The following KIF6 variants were observed in gnomAD, a reference collection of about 807,000 sequenced individuals.
KIF6 encodes kinesin-like protein KIF6.
In KIF6, 106 loss-of-function variants were observed where a neutral mutation model predicts 112.7. The ratio of observed to expected loss-of-function variants is 0.94; its 90% CI spans 0.80 to 1.11. KIF6 has a LOEUF of 1.11. KIF6 is among the 50% of genes least tolerant of loss of function. The pLI is 0.00. For missense variants in KIF6, 929 were observed against 964.0 expected (o/e 0.96, Z 0.48); for synonymous variants, 339 against 339.9 (o/e 1.00, Z 0.03).
intron 15 of KIF6, among the ~76,000 whole-genome samples, chr6:39,403,244 C>T (rs1366079016): frequency 2.6e-5 from 4 of 152,226 alleles, no homozygotes; most frequent in East Asian, 1.9e-4. Flanking sequence ...GGTTTGGACA[C>T]ACACATAGAT....
At chr6:39,419,819 G>A (rs1186912914) in intron 15 of KIF6, 129 bp downstream of exon 15, 3 of 815,916 alleles carry the variant, frequency 3.7e-6, no homozygotes, top group Non-Finnish European at 6.6e-6. Flanking sequence ...TCTCAAAGCA[G>A]CTTCCTTGGC....
At chr6:39,501,789 A>G (rs2150493241) in intron 13 of KIF6, among the ~76,000 whole-genome samples, 1 of 152,336 alleles carries the variant, frequency 6.6e-6, no homozygotes, top group South Asian at 2.1e-4. Context: ...AGAAAAAAAG[A>G]ATTAAAAGGA....
intron 13 of KIF6, among the ~76,000 whole-genome samples, chr6:39,488,151 C>T (rs1775244713): frequency 6.6e-6 from 1 of 152,108 alleles, no homozygotes; most frequent in Admixed American, 6.5e-5. Flanking sequence ...ATTTTCTTGA[C>T]CCACCAATGA....
intron 3 of KIF6, among the ~76,000 whole-genome samples, chr6:39,683,026 A>C (rs1787630125): frequency 6.6e-6 from 1 of 152,236 alleles, no homozygotes; most frequent in South Asian, 2.1e-4. Context: ...TATTTTAGGA[A>C]ACAAAAGAAA....
intron 13 of KIF6, among the ~76,000 whole-genome samples, chr6:39,526,026 C>A (rs1392934899): frequency 6.6e-6 from 1 of 152,120 alleles, no homozygotes; most frequent in Non-Finnish European, 1.5e-5. Flanking sequence ...ACAATACAAG[C>A]AACTCTTTTT....
chr6:39,544,382 C>G, intron 12 of KIF6, 173 bp downstream of exon 12: 1 of 487,778 alleles, frequency 2.1e-6, no homozygotes. Context: ...TATAGAAACT[C>G]TTTTTCACTG....
chr6:39,589,203 C>A (rs1179387461), intron 7 of KIF6, among the ~76,000 whole-genome samples: 1 of 152,228 alleles, frequency 6.6e-6, no homozygotes, highest in Non-Finnish European at 1.5e-5. Flanking sequence ...ATACAGCATA[C>A]AGCTTTCTGC....
At chr6:39,684,616 C>CA (rs58959171) in intron 3 of KIF6, among the ~76,000 whole-genome samples, 13,135 of 130,670 alleles carry the variant, frequency 0.1, 1,350 homozygotes, top group African/African-American at 0.27. Flanking sequence ...ACCTCTGTCT[C>CA]AAAAAAAAAA....
intron 13 of KIF6, among the ~76,000 whole-genome samples, chr6:39,534,237 G>C (rs1230302309): frequency 6.6e-6 from 1 of 152,112 alleles, no homozygotes; most frequent in African/African-American, 2.4e-5. Context: ...GTTGAGAGAA[G>C]AAGGCTTCAG....
At chr6:39,494,383 T>G (rs1354289705) in intron 13 of KIF6, among the ~76,000 whole-genome samples, 1 of 152,184 alleles carries the variant, frequency 6.6e-6, no homozygotes, top group East Asian at 1.9e-4. Context: ...AAGGGTTTAT[T>G]AAACAACTGA....
At chr6:39,515,811 C>A (rs1777054484) in intron 13 of KIF6, among the ~76,000 whole-genome samples, 1 of 152,080 alleles carries the variant, frequency 6.6e-6, no homozygotes, top group Non-Finnish European at 1.5e-5. Context: ...ATAATTCCAG[C>A]AGTAGGAGAA....
chr6:39,660,636 G>T (rs1376635088), intron 3 of KIF6, among the ~76,000 whole-genome samples: 1 of 151,904 alleles, frequency 6.6e-6, no homozygotes, highest in Non-Finnish European at 1.5e-5. Flanking sequence ...TTGAGCTAAG[G>T]AGCCCCAATA....
intron 13 of KIF6, among the ~76,000 whole-genome samples, chr6:39,523,951 G>A (rs544592410): frequency 2.6e-5 from 4 of 152,018 alleles, no homozygotes; most frequent in East Asian, 3.9e-4. Flanking sequence ...GAATGAATAG[G>A]AGCCACTGCT....
intron 13 of KIF6, among the ~76,000 whole-genome samples, chr6:39,534,808 G>A (rs953219657): frequency 4.8e-4 from 73 of 152,220 alleles, no homozygotes; most frequent in Admixed American, 1.8e-3. Flanking sequence ...AGGGCAGCCA[G>A]GGAGAAAGGT....
At chr6:39,467,160 G>C (rs942358495) in intron 13 of KIF6, among the ~76,000 whole-genome samples, 1 of 152,192 alleles carries the variant, frequency 6.6e-6, no homozygotes, top group Non-Finnish European at 1.5e-5. Context: ...TGGAGATTCT[G>C]GTGGTAGCCA....
rs184692389 is a variant in KIF6, at chr6:39,547,015, T to C, written c.1182-1327A>G. On this transcript the variant is annotated intron_variant, in intron 10 of 22. Coordinates refer to ENST00000287152, the MANE Select transcript of KIF6 (RefSeq NM_145027.6). ...TTCACTGCCATGGACATGGTTCCCC[T>C]CTAGGTTGAGATGGAACTCTTAATA... Among the ~76,000 whole-genome samples, 468 of 152,310 alleles carry C rather than the reference T, an allele frequency of 3.1e-3. 5 individuals are homozygous for C. Among genetic ancestry groups the C allele is most frequent in the African/African-American group, 9.5e-3 (393 of 41,578 alleles).
intron 3 of KIF6, among the ~76,000 whole-genome samples, chr6:39,699,464 A>G (rs1322150822): frequency 6.6e-6 from 1 of 152,218 alleles, no homozygotes; most frequent in African/African-American, 2.4e-5. Context: ...AAGCTGAAGC[A>G]GAGTAAGCAA....
Position 39,655,788 on chromosome 6 carries a change from TAAAC to T in KIF6, c.252-16035_252-16032del, listed in dbSNP as rs1387821618. ...CAACAATTTATTTGTTTATTGTCAA[TAAAC>T]AAACTGACAATACAACACTATTTTA... On this transcript the variant is annotated intron_variant, in intron 3 of 22. Coordinates refer to ENST00000287152, the MANE Select transcript of KIF6 (RefSeq NM_145027.6). Among the ~76,000 whole-genome samples the T allele has an allele frequency of 2.0e-5, 3 of 152,192 alleles. No individual in the cohort carries two copies. In the East Asian group the frequency reaches 5.8e-4, roughly 29 times the overall value.
intron 13 of KIF6, among the ~76,000 whole-genome samples, chr6:39,472,089 TG>T: frequency 6.6e-6 from 1 of 152,286 alleles, no homozygotes; most frequent in South Asian, 2.1e-4. Flanking sequence ...AGCAAACTCC[TG>T]GAAGAGCTGT....
Sources: allele counts gnomAD v4.1 joint callset (sites outside exome capture counted in the v4.1 genomes callset), GRCh38; gene constraint gnomAD v4.1.1; transcripts MANE v1.5; gene names NCBI Gene and HGNC (gene_info 2026-07-23, HGNC 2026-07-21).